The following STARD13 variants were observed in gnomAD, a reference collection of about 807,000 sequenced individuals.
The protein encoded by STARD13 is StAR related lipid transfer domain containing 13, also known as stAR-related lipid transfer protein 13.
Under a neutral mutation model 106.4 loss-of-function variants are expected in STARD13, and 62 were observed. The observed-to-expected ratio is 0.58, with a 90% CI of 0.48 to 0.72. STARD13 has a LOEUF of 0.72. STARD13 is among the 30% of genes least tolerant of loss of function. The probability of loss-of-function intolerance (pLI) is 0.00; values close to 1 mark genes in which losing one functional copy is unlikely to be tolerated. For missense variants in STARD13, 1,387 were observed against 1,424.0 expected (o/e 0.97, Z 0.42); for synonymous variants, 565 against 553.0 (o/e 1.02, Z -0.31).
the STARD13 span, among the ~76,000 whole-genome samples, chr13:33,449,947 T>C: frequency 6.6e-6 from 1 of 152,216 alleles, no homozygotes; most frequent in Non-Finnish European, 1.5e-5. Context: ...CTTGCAACTT[T>C]GCTTAATTTA....
At chr13:33,173,203 A>T (rs1040797961) in intron 1 of STARD13, among the ~76,000 whole-genome samples, 1 of 152,214 alleles carries the variant, frequency 6.6e-6, no homozygotes, top group East Asian at 1.9e-4. Context: ...GCTTAGGATA[A>T]TTTATATGGC....
At chr13:33,431,686 A>T in the STARD13 span, among the ~76,000 whole-genome samples, 1 of 152,220 alleles carries the variant, frequency 6.6e-6, no homozygotes, top group African/African-American at 2.4e-5. Context: ...TTAACACACC[A>T]TTTAAAATCT....
At chr13:33,344,521 C>T (rs921014347), downstream of STARD13, among the ~76,000 whole-genome samples, 5 of 152,128 alleles carry the variant, frequency 3.3e-5, no homozygotes, top group Non-Finnish European at 7.4e-5. Context: ...TTTTGTGGCT[C>T]ATGTTTTATT....
At chr13:33,555,081 G>A in the STARD13 span, among the ~76,000 whole-genome samples, 1 of 152,182 alleles carries the variant, frequency 6.6e-6, no homozygotes, top group African/African-American at 2.4e-5. Flanking sequence ...ACTAGGTCAT[G>A]TTCTGAGATA....
chr13:33,444,233 G>C, the STARD13 span, among the ~76,000 whole-genome samples: 11 of 152,184 alleles, frequency 7.2e-5, no homozygotes, highest in Admixed American at 2.0e-4. Context: ...CCTTTCTGTT[G>C]TGTAGGTGGC....
the STARD13 span, among the ~76,000 whole-genome samples, chr13:33,364,385 T>C: frequency 3.8e-3 from 572 of 152,330 alleles, 8 homozygotes; most frequent in East Asian, 0.026. Context: ...TGTGAAAACA[T>C]AAATGCACAG....
the STARD13 span, among the ~76,000 whole-genome samples, chr13:33,409,322 A>G: frequency 2.0e-5 from 3 of 152,202 alleles, no homozygotes; most frequent in East Asian, 3.9e-4. Flanking sequence ...GATTTTACAG[A>G]TAAGAAAACT....
chr13:33,404,672 A>G, the STARD13 span, among the ~76,000 whole-genome samples: 6 of 152,174 alleles, frequency 3.9e-5, no homozygotes, highest in African/African-American at 1.4e-4. Flanking sequence ...AATGACAAGG[A>G]ACATGTTAAG....
the STARD13 span, among the ~76,000 whole-genome samples, chr13:33,538,004 G>C: frequency 2.9e-4 from 44 of 152,256 alleles, 1 homozygote; most frequent in South Asian, 7.7e-3. Flanking sequence ...AATTAAGACG[G>C]AAAGTCACTT....
At chr13:33,567,055 C>T in the STARD13 span, among the ~76,000 whole-genome samples, 1 of 148,170 alleles carries the variant, frequency 6.7e-6, no homozygotes, top group Non-Finnish European at 1.5e-5. Flanking sequence ...TTACCCAACT[C>T]ATCAGCCTTT....
upstream of STARD13, chr13:33,355,572 C>T (rs1336284423): frequency 1.3e-5 from 2 of 152,078 alleles, no homozygotes; most frequent in African/African-American, 2.4e-5. Flanking sequence ...GAAGAGCTCT[C>T]GCAACTCTCT....
intron 1 of STARD13, among the ~76,000 whole-genome samples, chr13:33,293,871 T>C (rs539590121): frequency 6.6e-6 from 1 of 152,336 alleles, no homozygotes; most frequent in South Asian, 2.1e-4. Context: ...TCCTTGCTCC[T>C]CAGCTTGCAG....
At chr13:33,529,441 G>A in the STARD13 span, among the ~76,000 whole-genome samples, 2 of 152,104 alleles carry the variant, frequency 1.3e-5, no homozygotes, top group Non-Finnish European at 2.9e-5. Flanking sequence ...GTGTTACAAC[G>A]AAGTATATCT....
intron 13 of STARD13, among the ~76,000 whole-genome samples, 197 bp from the exon 14 acceptor site, chr13:33,105,907 T>C (rs475303): frequency 0.7 from 106,574 of 152,170 alleles, 37,757 homozygotes; most frequent in African/African-American, 0.8. Context: ...AGTATTCATG[T>C]TGTCATTTGA....
intron 1 of STARD13, among the ~76,000 whole-genome samples, chr13:33,255,081 C>G (rs535165040): frequency 2.7e-5 from 4 of 147,826 alleles, no homozygotes; most frequent in African/African-American, 1.0e-4. Context: ...GGCTCCTATA[C>G]CTGTCCATCT....
intron 1 of STARD13, among the ~76,000 whole-genome samples, chr13:33,254,993 G>A (rs933951325): frequency 6.6e-6 from 1 of 152,144 alleles, no homozygotes; most frequent in Non-Finnish European, 1.5e-5. Context: ...AAGGCAGAGG[G>A]TCCACTGAGC....
intron 4 of STARD13, among the ~76,000 whole-genome samples, chr13:33,136,279 T>A (rs1445450411): frequency 1.3e-5 from 2 of 152,218 alleles, no homozygotes; most frequent in Admixed American, 6.5e-5. Context: ...CAATTGTGAT[T>A]CTTTGTATTA....
At chr13:33,209,236 GTC>G (rs1372096224) in intron 1 of STARD13, among the ~76,000 whole-genome samples, 32 of 152,152 alleles carry the variant, frequency 2.1e-4, no homozygotes, top group Non-Finnish European at 8.8e-5. Context: ...TGTATATGGT[GTC>G]TCTGCCTACA....
chr13:33,613,347 C>T, the STARD13 span, among the ~76,000 whole-genome samples: 2 of 152,174 alleles, frequency 1.3e-5, no homozygotes, highest in Non-Finnish European at 2.9e-5. Context: ...TATCTTTCCC[C>T]AGGCTGAAGC....
Sources: gnomAD v4.1 joint callset for allele counts (sites outside exome capture counted in the v4.1 genomes callset) on GRCh38, gnomAD v4.1.1 for gene constraint, MANE v1.5 for transcripts, NCBI Gene and HGNC (gene_info 2026-07-23, HGNC 2026-07-21) for gene names.